The following GRM8 variants were observed in gnomAD, a reference collection of about 807,000 sequenced individuals.
GRM8 encodes the protein glutamate metabotropic receptor 8, also known as metabotropic glutamate receptor 8.
A neutral mutation model predicts 87.2 loss-of-function variants in GRM8; 47 were observed. That is an observed-to-expected ratio of 0.54 (90% confidence interval 0.43 to 0.69). The LOEUF (loss-of-function observed/expected upper bound fraction) is 0.69, where lower values mean the gene tolerates loss of function less well. Among genes scored for constraint, GRM8 ranks in the 30% least tolerant of loss-of-function variants. GRM8 has a pLI of 0.00. For synonymous variants in GRM8, 396 were observed against 404.5 expected, an observed-to-expected ratio of 0.98 and a Z score of 0.25; for missense variants, 1,019 against 1,139.2, an observed-to-expected ratio of 0.89 and a Z score of 1.52.
chr7:126,792,298 TAATC>T (rs1448349183), intron 6 of GRM8, among the ~76,000 whole-genome samples: 1 of 152,182 alleles, frequency 6.6e-6, no homozygotes, highest in Non-Finnish European at 1.5e-5. Context: ...AAACCTAAAG[TAATC>T]AAAGCAGTAT....
At chr7:127,051,278 T>C (rs771850781) in intron 3 of GRM8, among the ~76,000 whole-genome samples, 13 of 152,176 alleles carry the variant, frequency 8.5e-5, no homozygotes. Flanking sequence ...CTCCAGTTGA[T>C]TCTGATACAT....
At chr7:126,897,375 G>T (rs1270265751) in intron 6 of GRM8, among the ~76,000 whole-genome samples, 1 of 152,164 alleles carries the variant, frequency 6.6e-6, no homozygotes, top group East Asian at 1.9e-4. Context: ...GTAAGGGACT[G>T]ATCAGAGGAA....
intron 6 of GRM8, among the ~76,000 whole-genome samples, chr7:126,794,027 C>T: frequency 6.6e-6 from 1 of 151,970 alleles, no homozygotes; most frequent in East Asian, 1.9e-4. Flanking sequence ...TTAAATGGCC[C>T]TTGAAAATAA....
chr7:126,853,360 T>C lies in GRM8; in HGVS notation c.1156+49182A>G, dbSNP rs75947178. Reference sequence around the variant, plus strand: ...TTTTAAGTCTTTGTTCTCTTTATTTTGCTGTGTTAAATTTTGCACTTACTT... The same window carrying C: ...TTTTAAGTCTTTGTTCTCTTTATTTCGCTGTGTTAAATTTTGCACTTACTT... On this transcript the variant is annotated intron_variant, in intron 6 of 10. Coordinates refer to ENST00000339582, the MANE Select transcript of GRM8 (RefSeq NM_000845.3). Among the ~76,000 whole-genome samples, 34 of 152,276 alleles carry C rather than the reference T, an allele frequency of 2.2e-4. No homozygotes were observed. In the East Asian group the frequency reaches 6.0e-3, roughly 27 times the overall value.
At chr7:127,049,713 G>A (rs947896747) in intron 3 of GRM8, among the ~76,000 whole-genome samples, 1 of 152,114 alleles carries the variant, frequency 6.6e-6, no homozygotes, top group Non-Finnish European at 1.5e-5. Flanking sequence ...TCTTAACATG[G>A]GAGCAAAGCC....
intron 6 of GRM8, among the ~76,000 whole-genome samples, chr7:126,876,152 C>A (rs1002665129): frequency 2.5e-4 from 38 of 152,308 alleles, no homozygotes; most frequent in South Asian, 1.2e-3. Flanking sequence ...TTTGCAACAG[C>A]TGCCAAGCCA....
intron 6 of GRM8, among the ~76,000 whole-genome samples, chr7:126,823,622 A>T (rs1223156136): frequency 6.6e-6 from 1 of 152,260 alleles, no homozygotes; most frequent in Admixed American, 6.5e-5. Context: ...TTTAGCCAAT[A>T]CATCCAAAAT....
In GRM8 at chr7:127,114,356, G is replaced by T. The variant is rs17864962; in HGVS notation, c.511-7644C>A. ...AGGAGAGCCAGGAGTACACTATATTGCACCATATTTTTATCTATCTCCCCA... is the reference window on the plus strand; with the variant it reads ...AGGAGAGCCAGGAGTACACTATATTTCACCATATTTTTATCTATCTCCCCA... On this transcript the variant is annotated intron_variant, in intron 2 of 10. Transcript: ENST00000339582. 5.4e-3 allele frequency among the ~76,000 whole-genome samples: 826 copies of T among 152,210 alleles called. 10 individuals carry two copies. Among genetic ancestry groups the T allele is most frequent in the African/African-American group, 0.019 (794 of 41,512 alleles).
At chr7:126,853,368 T>TA (rs1352684577) in intron 6 of GRM8, among the ~76,000 whole-genome samples, 1 of 152,144 alleles carries the variant, frequency 6.6e-6, no homozygotes, top group Admixed American at 6.5e-5. Context: ...TTTGCTGTGT[T>TA]AAATTTTGCA....
chr7:126,624,878 C>T (rs1419487), intron 7 of GRM8, among the ~76,000 whole-genome samples: 49,349 of 152,100 alleles, frequency 0.32, 8,554 homozygotes, highest in East Asian at 0.43. Context: ...ATGTTAAAAA[C>T]GACAGAACTT....
rs557721669 is a variant in GRM8, at chr7:126,961,413, T to C, written c.728-56730A>G. Among the ~76,000 whole-genome samples the C allele has an allele frequency of 3.0e-4, 45 of 152,324 alleles. No individual in the cohort carries two copies. The South Asian group carries it at 8.9e-3, about 30-fold the overall frequency. ...CATTCTCTTTTCTTCTCTTATACCA[T>C]CACCGTGTGTAAGTGAATATAACAA... On this transcript the variant is annotated intron_variant, in intron 3 of 10. Transcript: ENST00000339582.
intron 3 of GRM8, among the ~76,000 whole-genome samples, chr7:127,080,092 AG>A (rs1232659936): frequency 6.6e-6 from 1 of 152,216 alleles, no homozygotes; most frequent in Non-Finnish European, 1.5e-5. Flanking sequence ...AATTTGAGAC[AG>A]GAAGATGATC....
At chr7:127,243,995 G>A (rs183896847) in intron 1 of GRM8, among the ~76,000 whole-genome samples, 272 of 151,942 alleles carry the variant, frequency 1.8e-3, no homozygotes, top group African/African-American at 6.2e-3. Flanking sequence ...GTAGGAAAAA[G>A]TGATTATTCA....
At chr7:127,217,463 C>T (rs1796630416) in intron 2 of GRM8, among the ~76,000 whole-genome samples, 1 of 152,244 alleles carries the variant, frequency 6.6e-6, no homozygotes, top group Non-Finnish European at 1.5e-5. Flanking sequence ...CATGCTATCA[C>T]CCTGAATTCA....
At chr7:126,910,915 T>A (rs752112398) in intron 3 of GRM8, among the ~76,000 whole-genome samples, 2 of 152,170 alleles carry the variant, frequency 1.3e-5, no homozygotes, top group Non-Finnish European at 2.9e-5. Context: ...CCACATAATC[T>A]TGAAAAGTCT....
At chr7:126,974,451 C>T (rs532302261) in intron 3 of GRM8, among the ~76,000 whole-genome samples, 17 of 138,942 alleles carry the variant, frequency 1.2e-4, no homozygotes, top group African/African-American at 3.8e-4. Context: ...ACGTTGTAAG[C>T]CTCACATATG....
intron 7 of GRM8, among the ~76,000 whole-genome samples, chr7:126,721,397 T>G (rs1298260023): frequency 6.6e-6 from 1 of 152,132 alleles, no homozygotes; most frequent in East Asian, 1.9e-4. Context: ...AAACATTTCT[T>G]TTACCAACTG....
At chr7:127,018,591 A>G (rs1815938404) in intron 3 of GRM8, among the ~76,000 whole-genome samples, 1 of 151,938 alleles carries the variant, frequency 6.6e-6, no homozygotes, top group Non-Finnish European at 1.5e-5. Context: ...TAAGGTAGCA[A>G]TGAGCCTAGA....
intron 3 of GRM8, among the ~76,000 whole-genome samples, chr7:127,047,446 A>G (rs2132457373): frequency 6.6e-6 from 1 of 151,590 alleles, no homozygotes; most frequent in South Asian, 2.1e-4. Flanking sequence ...ACCTTCTTTC[A>G]TGTTTACATT....
Sources: gnomAD v4.1 joint callset for allele counts (sites outside exome capture counted in the v4.1 genomes callset) on GRCh38, gnomAD v4.1.1 for gene constraint, MANE v1.5 for transcripts, NCBI Gene and HGNC (gene_info 2026-07-23, HGNC 2026-07-21) for gene names.